ROBO2: variants seen among roughly 807,000 people sequenced by gnomAD.
ROBO2 encodes the protein roundabout homolog 2.
Under a neutral mutation model 160.8 loss-of-function variants are expected in ROBO2, and 53 were observed. That is an observed-to-expected ratio of 0.33 (90% CI 0.26 to 0.41). ROBO2 has a LOEUF of 0.41. ROBO2 is among the 10% of genes least tolerant of loss of function. ROBO2 has a pLI of 1.00. For missense variants in ROBO2, 1,577 were observed against 1,722.4 expected, an observed-to-expected ratio of 0.92 and a Z score of 1.49; for synonymous variants, 664 against 611.7, an observed-to-expected ratio of 1.09 and a Z score of -1.26.
At chr3:77,289,726 G>T (rs2060940457) in intron 2 of ROBO2, among the ~76,000 whole-genome samples, 1 of 151,964 alleles carries the variant, frequency 6.6e-6, no homozygotes, top group African/African-American at 2.4e-5. Context: ...CGGTTAAACG[G>T]GTAAGCTGAG....
intron 2 of ROBO2, among the ~76,000 whole-genome samples, chr3:76,687,269 A>T (rs1160459943): frequency 6.6e-6 from 1 of 152,080 alleles, no homozygotes; most frequent in African/African-American, 2.4e-5. Flanking sequence ...GTGACATTGG[A>T]CAAATACTTT....
At chr3:76,024,673 A>C (rs2066680307) in intron 2 of ROBO2, among the ~76,000 whole-genome samples, 1 of 151,654 alleles carries the variant, frequency 6.6e-6, no homozygotes, top group Non-Finnish European at 1.5e-5. Context: ...AATTGGAAAA[A>C]TGAATTAGTA....
intron 2 of ROBO2, among the ~76,000 whole-genome samples, chr3:76,498,666 T>G (rs2080290790): frequency 6.6e-6 from 1 of 150,568 alleles, no homozygotes; most frequent in Non-Finnish European, 1.5e-5. Flanking sequence ...TACATCTGCT[T>G]CTTCTTAGTT....
intron 2 of ROBO2, among the ~76,000 whole-genome samples, chr3:76,663,458 G>A (rs1230484704): frequency 6.6e-6 from 1 of 152,140 alleles, no homozygotes; most frequent in African/African-American, 2.4e-5. Flanking sequence ...TCTTTCCAAA[G>A]ATTGTTTAGT....
chr3:77,106,706 T>C (rs1371768298), intron 2 of ROBO2, among the ~76,000 whole-genome samples: 1 of 152,228 alleles, frequency 6.6e-6, no homozygotes, highest in Non-Finnish European at 1.5e-5. Context: ...GGTTCAATAG[T>C]ATTAAGATAT....
intron 2 of ROBO2, among the ~76,000 whole-genome samples, chr3:76,042,839 C>A (rs1237410036): frequency 6.6e-6 from 1 of 152,070 alleles, no homozygotes; most frequent in East Asian, 1.9e-4. Context: ...GTCACATACC[C>A]CTTGCTTGCT....
At chr3:76,652,520 T>A (rs2091301077) in intron 2 of ROBO2, among the ~76,000 whole-genome samples, 1 of 152,148 alleles carries the variant, frequency 6.6e-6, no homozygotes, top group Non-Finnish European at 1.5e-5. Context: ...TAAATTCAGA[T>A]GAGTTGTTCA....
intron 2 of ROBO2, among the ~76,000 whole-genome samples, chr3:76,197,843 A>G (rs928378799): frequency 2.0e-4 from 31 of 152,194 alleles, no homozygotes; most frequent in African/African-American, 7.5e-4. Flanking sequence ...TGGACACTTG[A>G]TGTGCCAGCT....
rs187030288 is a variant in ROBO2 at position 76,154,031 on chromosome 3, G to A, written c.109+216429G>A. Among the ~76,000 whole-genome samples, 168 of 152,150 alleles carry A rather than the reference G, an allele frequency of 1.1e-3. 3 individuals are homozygous for A. The highest frequency in any genetic ancestry group is 0.011 in the Admixed American group (161 of 15,260). ...GCCAGTTACCTAATACACATTCCTAGGTGAACTGGACACATAAATGCAATC... is the reference window on the plus strand; with the variant it reads ...GCCAGTTACCTAATACACATTCCTAAGTGAACTGGACACATAAATGCAATC... On this transcript the variant is annotated intron_variant, in intron 2 of 26. Transcript: ENST00000487694.
intron 2 of ROBO2, among the ~76,000 whole-genome samples, chr3:76,004,599 TAGA>T (rs2065972058): frequency 6.6e-6 from 1 of 152,178 alleles, no homozygotes; most frequent in African/African-American, 2.4e-5. Context: ...CCTCGCATTG[TAGA>T]AGGATGGGAT....
At chr3:77,194,668 A>G (rs1381772042) in intron 2 of ROBO2, among the ~76,000 whole-genome samples, 1 of 152,172 alleles carries the variant, frequency 6.6e-6, no homozygotes, top group African/African-American at 2.4e-5. Flanking sequence ...ATTTTCTGGA[A>G]TCAGTGTTAG....
At chr3:76,058,590 T>C (rs1049749237) in intron 2 of ROBO2, among the ~76,000 whole-genome samples, 134 of 25,990 alleles carry the variant, frequency 5.2e-3, no homozygotes, top group Non-Finnish European at 7.0e-3. Context: ...CAGCAGAAAC[T>C]TTTTTTTTTT....
intron 2 of ROBO2, among the ~76,000 whole-genome samples, chr3:76,324,852 AT>A (rs2107936544): frequency 6.6e-6 from 1 of 152,360 alleles, no homozygotes; most frequent in South Asian, 2.1e-4. Flanking sequence ...TTAAAAACAG[AT>A]CAGTCTCCTT....
chr3:77,200,676 T>C (rs1337995950), intron 2 of ROBO2, among the ~76,000 whole-genome samples: 1 of 152,070 alleles, frequency 6.6e-6, no homozygotes, highest in African/African-American at 2.4e-5. Context: ...TTAGTCACCA[T>C]ATGACTTTGG....
chr3:77,442,454 C>T (rs900129024), intron 2 of ROBO2, among the ~76,000 whole-genome samples: 1 of 152,016 alleles, frequency 6.6e-6, no homozygotes, highest in Non-Finnish European at 1.5e-5. Context: ...ACTTTTTTCA[C>T]CCAATGAAAA....
At chr3:77,227,475 A>G (rs2086631518) in intron 2 of ROBO2, among the ~76,000 whole-genome samples, 1 of 152,224 alleles carries the variant, frequency 6.6e-6, no homozygotes, top group Non-Finnish European at 1.5e-5. Flanking sequence ...TTGACTCCTA[A>G]AATAGGATTG....
At chr3:76,716,992 A>G (rs2093390213) in intron 2 of ROBO2, among the ~76,000 whole-genome samples, 1 of 152,064 alleles carries the variant, frequency 6.6e-6, no homozygotes, top group African/African-American at 2.4e-5. Flanking sequence ...GTATTCATCC[A>G]TTTTCTGTGT....
intron 2 of ROBO2, among the ~76,000 whole-genome samples, chr3:76,109,244 C>A (rs1420694156): frequency 6.7e-6 from 1 of 149,632 alleles, no homozygotes; most frequent in East Asian, 1.9e-4. Flanking sequence ...TGCTTTTTTT[C>A]ATAGTTACAT....
At chr3:76,620,708 G>A (rs1298064395) in intron 2 of ROBO2, among the ~76,000 whole-genome samples, 3 of 151,950 alleles carry the variant, frequency 2.0e-5, no homozygotes. Flanking sequence ...ATACATTATG[G>A]CCAGTGGCAA....
Sources: gnomAD v4.1 joint callset for allele counts (sites outside exome capture counted in the v4.1 genomes callset) on GRCh38, gnomAD v4.1.1 for gene constraint, MANE v1.5 for transcripts, NCBI Gene and HGNC (gene_info 2026-07-23, HGNC 2026-07-21) for gene names.